Variants in NXPE2 observed in about 807,000 individuals in gnomAD.
NXPE2 encodes NXPE family member 2.
A neutral mutation model predicts 34.4 loss-of-function variants in NXPE2; 34 were observed. That is an observed-to-expected ratio of 0.99 (90% CI 0.75 to 1.31). NXPE2 has a LOEUF of 1.31. Among genes scored for constraint, NXPE2 ranks in the 40% most tolerant of loss-of-function variants. The pLI, the probability that NXPE2 is intolerant of heterozygous loss-of-function variation, is 0.00. For synonymous variants in NXPE2, 235 were observed against 231.3 expected, an observed-to-expected ratio of 1.02 and a Z score of -0.15; for missense variants, 649 against 672.5, an observed-to-expected ratio of 0.97 and a Z score of 0.39.
At chr11:114,494,913 CT>C in the NXPE2 span, among the ~76,000 whole-genome samples, 1 of 152,208 alleles carries the variant, frequency 6.6e-6, no homozygotes, top group African/African-American at 2.4e-5. Flanking sequence ...TGCAACCATA[CT>C]GGCTTTAGGG....
the NXPE2 span, among the ~76,000 whole-genome samples, chr11:114,754,251 A>ATG: frequency 1.3e-5 from 2 of 152,078 alleles, no homozygotes; most frequent in African/African-American, 4.8e-5. Flanking sequence ...ACAGTGACCC[A>ATG]CACTCTGGGC....
At chr11:114,805,390 A>C in the NXPE2 span, among the ~76,000 whole-genome samples, 3 of 152,218 alleles carry the variant, frequency 2.0e-5, no homozygotes, top group African/African-American at 7.2e-5. Context: ...AGGGCAAGGC[A>C]TCGCCTCACC....
chr11:114,630,813 A>C, the NXPE2 span, among the ~76,000 whole-genome samples: 503 of 151,978 alleles, frequency 3.3e-3, 7 homozygotes, highest in Non-Finnish European at 5.5e-3. Flanking sequence ...CAATGAACTC[A>C]AACAAATTTA....
chr11:114,786,818 G>GC, the NXPE2 span, among the ~76,000 whole-genome samples: 49,564 of 151,684 alleles, frequency 0.33, 9,156 homozygotes, highest in Non-Finnish European at 0.41. Context: ...GTTGGGAAGA[G>GC]CCCCCCCATG....
At chr11:114,560,497 GC>G in the NXPE2 span, among the ~76,000 whole-genome samples, 2 of 151,942 alleles carry the variant, frequency 1.3e-5, no homozygotes, top group Admixed American at 6.6e-5. Flanking sequence ...GAACTCCTGG[GC>G]TCAAGTGGTC....
At chr11:114,686,242 T>C (rs1002752884) in intron 2 of NXPE2, among the ~76,000 whole-genome samples, 2 of 152,094 alleles carry the variant, frequency 1.3e-5, no homozygotes, top group Non-Finnish European at 2.9e-5. Context: ...TAGTACCCAA[T>C]AGGTAGTTTT....
the NXPE2 span, among the ~76,000 whole-genome samples, chr11:114,777,433 A>G: frequency 3.5e-3 from 527 of 152,314 alleles, 6 homozygotes; most frequent in Non-Finnish European, 5.1e-3. Context: ...GAATGAGGAG[A>G]TAAAAACTGC....
At chr11:114,586,071 C>T in the NXPE2 span, among the ~76,000 whole-genome samples, 1 of 152,156 alleles carries the variant, frequency 6.6e-6, no homozygotes, top group Non-Finnish European at 1.5e-5. Context: ...GTGTGCTATG[C>T]AAATGTTACA....
At chr11:114,692,593 T>C (rs986529498) in intron 2 of NXPE2, among the ~76,000 whole-genome samples, 3 of 152,196 alleles carry the variant, frequency 2.0e-5, no homozygotes, top group Non-Finnish European at 4.4e-5. Flanking sequence ...CCATGATCAT[T>C]AAAGCCTATT....
At chr11:114,500,648 T>C in the NXPE2 span, among the ~76,000 whole-genome samples, 5 of 152,140 alleles carry the variant, frequency 3.3e-5, no homozygotes, top group Non-Finnish European at 7.4e-5. Flanking sequence ...TCTTCTATGG[T>C]TATTGCTTTT....
the NXPE2 span, among the ~76,000 whole-genome samples, chr11:114,511,667 T>G: frequency 6.6e-6 from 1 of 152,246 alleles, no homozygotes; most frequent in Non-Finnish European, 1.5e-5. Flanking sequence ...TGTTGAAATG[T>G]GATCCCCAAT....
At chr11:114,503,142 A>G in the NXPE2 span, among the ~76,000 whole-genome samples, 1 of 151,180 alleles carries the variant, frequency 6.6e-6, no homozygotes, top group Non-Finnish European at 1.5e-5. Context: ...AGATGCTGCT[A>G]TTTGGGGGTG....
chr11:114,620,089 T>C, the NXPE2 span, among the ~76,000 whole-genome samples: 1 of 151,426 alleles, frequency 6.6e-6, no homozygotes, highest in South Asian at 2.1e-4. Context: ...TGTTGCCTCT[T>C]GGGTAACCAC....
downstream of NXPE2, chr11:114,707,546 C>T (rs139772284): frequency 2.3e-3 from 561 of 242,358 alleles, 3 homozygotes; most frequent in Non-Finnish European, 3.7e-3. Flanking sequence ...CAGTGTGCAG[C>T]GCCACACCTG....
At chr11:114,711,294 AAAAAG>A (rs1441064704), downstream of NXPE2, among the ~76,000 whole-genome samples, 2 of 152,136 alleles carry the variant, frequency 1.3e-5, no homozygotes, top group Admixed American at 1.3e-4. Context: ...ATATGACAAA[AAAAAG>A]AAAAGACACA....
At chr11:114,676,384 A>C (rs1341785937), upstream of NXPE2, among the ~76,000 whole-genome samples, 1 of 149,378 alleles carries the variant, frequency 6.7e-6, no homozygotes, top group Non-Finnish European at 1.5e-5. Flanking sequence ...TTTAAATTAA[A>C]TATAAAAGAA....
the NXPE2 span, among the ~76,000 whole-genome samples, chr11:114,632,498 T>C: frequency 7.9e-6 from 1 of 125,860 alleles, no homozygotes. Flanking sequence ...TAATATATAT[T>C]ATAGTATTTT....
chr11:114,512,332 A>G, the NXPE2 span, among the ~76,000 whole-genome samples: 1 of 152,102 alleles, frequency 6.6e-6, no homozygotes, highest in East Asian at 1.9e-4. Context: ...CCCCCTGTCT[A>G]ATTCCCAGCC....
the NXPE2 span, among the ~76,000 whole-genome samples, chr11:114,635,988 T>G: frequency 6.6e-6 from 1 of 152,040 alleles, no homozygotes; most frequent in African/African-American, 2.4e-5. Flanking sequence ...ATAAAATGAG[T>G]TAGGGAGGAT....
Sources: gnomAD v4.1 joint callset for allele counts (sites outside exome capture counted in the v4.1 genomes callset) on GRCh38, gnomAD v4.1.1 for gene constraint, MANE v1.5 for transcripts, NCBI Gene and HGNC (gene_info 2026-07-23, HGNC 2026-07-21) for gene names.